The following MGAT4C variants were observed in gnomAD, a reference collection of about 807,000 sequenced individuals.
MGAT4C encodes the protein alpha-1,3-mannosyl-glycoprotein 4-beta-N-acetylglucosaminyltransferase C.
MGAT4C carries 19 observed loss-of-function variants against 40.1 expected under a neutral mutation model. The observed-to-expected ratio is 0.47, with a 90% CI of 0.33 to 0.70. MGAT4C has a LOEUF of 0.70. Ranked by LOEUF, MGAT4C falls within the 30% of genes least tolerant of loss-of-function variation. MGAT4C has a pLI of 0.02. For missense variants in MGAT4C, 491 were observed against 563.2 expected, an observed-to-expected ratio of 0.87 and a Z score of 1.30; for synonymous variants, 181 against 187.1, an observed-to-expected ratio of 0.97 and a Z score of 0.27.
chr12:86,184,636 T>TC (rs11374281), intron 1 of MGAT4C, among the ~76,000 whole-genome samples: 97,018 of 148,040 alleles, frequency 0.66, 32,334 homozygotes, highest in South Asian at 0.75. Flanking sequence ...TCTTTTTTTT[T>TC]CTCTTCCTTC....
chr12:86,529,089 A>C (rs547700898), intron 2 of MGAT4C, among the ~76,000 whole-genome samples: 28 of 152,154 alleles, frequency 1.8e-4, no homozygotes, highest in African/African-American at 6.7e-4. Flanking sequence ...CAAAAATGGG[A>C]ATGGTTTTCC....
At chr12:86,031,433 C>T (rs1890744857) in intron 2 of MGAT4C, among the ~76,000 whole-genome samples, 1 of 151,776 alleles carries the variant, frequency 6.6e-6, no homozygotes, top group Admixed American at 6.6e-5. Flanking sequence ...ATTGTTCTTA[C>T]ACTTTAATGC....
chr12:86,294,199 C>G (rs1344462006), intron 4 of MGAT4C, among the ~76,000 whole-genome samples: 1 of 151,992 alleles, frequency 6.6e-6, no homozygotes, highest in Non-Finnish European at 1.5e-5. Context: ...ACTTAGCTAA[C>G]TCGTGGCTAG....
At chr12:86,370,492 G>A (rs1830114366) in intron 3 of MGAT4C, among the ~76,000 whole-genome samples, 1 of 152,028 alleles carries the variant, frequency 6.6e-6, no homozygotes, top group Non-Finnish European at 1.5e-5. Context: ...GATATAAGAA[G>A]TTACCAGAGC....
chr12:86,328,630 C>T (rs1954581553), intron 4 of MGAT4C, among the ~76,000 whole-genome samples: 1 of 151,874 alleles, frequency 6.6e-6, no homozygotes, highest in Non-Finnish European at 1.5e-5. Context: ...ATTATGAAGA[C>T]TACAAATTGC....
At chr12:86,789,890 A>G (rs1951994755) in intron 1 of MGAT4C, among the ~76,000 whole-genome samples, 1 of 152,166 alleles carries the variant, frequency 6.6e-6, no homozygotes, top group Non-Finnish European at 1.5e-5. Context: ...ACGTACACAC[A>G]GAGAGGTTAA....
intron 2 of MGAT4C, among the ~76,000 whole-genome samples, chr12:86,451,741 T>A (rs754993744): frequency 3.3e-5 from 5 of 152,130 alleles, no homozygotes; most frequent in African/African-American, 1.2e-4. Flanking sequence ...TCTTTTAAAA[T>A]AAGATTATAC....
intron 3 of MGAT4C, among the ~76,000 whole-genome samples, chr12:86,369,202 G>T (rs957040815): frequency 2.0e-5 from 3 of 151,678 alleles, no homozygotes; most frequent in Admixed American, 2.0e-4. Context: ...TCCATTGCAT[G>T]GAATATCCTT....
chr12:86,140,731 CTG>C (rs1882717827), intron 1 of MGAT4C, among the ~76,000 whole-genome samples: 1 of 152,136 alleles, frequency 6.6e-6, no homozygotes, highest in South Asian at 2.1e-4. Context: ...GTTTCTTGTT[CTG>C]TGTTGTTCAC....
chr12:86,566,570 A>ATATATGTATATG (rs71078911), intron 2 of MGAT4C, among the ~76,000 whole-genome samples: 58 of 39,454 alleles, frequency 1.5e-3, no homozygotes, highest in African/African-American at 2.5e-3. Context: ...ATATATATAT[A>ATATATGTATATG]TATATGTATA....
intron 1 of MGAT4C, among the ~76,000 whole-genome samples, chr12:86,197,104 C>T (rs926912042): frequency 1.3e-5 from 2 of 152,134 alleles, no homozygotes; most frequent in African/African-American, 4.8e-5. Flanking sequence ...CATATTTTAC[C>T]TTCCACAAGA....
Position 86,778,635 on chromosome 12 carries a change from A to G in MGAT4C, c.-261-51394T>C, listed in dbSNP as rs1449356347. Reference sequence around the variant, plus strand: ...TGATTTGACTCATCCCTGTTTTGAAATTGCACATATACCAATATTAAGAAC... The same window carrying G: ...TGATTTGACTCATCCCTGTTTTGAAGTTGCACATATACCAATATTAAGAAC... On this transcript the variant is annotated intron_variant, in intron 1 of 7. Coordinates refer to the MGAT4C transcript ENST00000548651. Among the ~76,000 whole-genome samples the G allele has an allele frequency of 1.2e-4, 18 of 152,196 alleles. 1 individual carries two copies. Among genetic ancestry groups the G allele is most frequent in the South Asian group, 4.1e-4 (2 of 4,836 alleles).
chr12:86,486,376 GCACACACACACACACACACACA>G (rs59222713), intron 2 of MGAT4C, among the ~76,000 whole-genome samples: 1 of 139,986 alleles, frequency 7.1e-6, no homozygotes. Context: ...GATCTATCAT[GCACACACACACACACACACACA>G]CACACACACA....
chr12:86,526,325 T>A (rs149049404), intron 2 of MGAT4C, among the ~76,000 whole-genome samples: 129 of 151,900 alleles, frequency 8.5e-4, no homozygotes, highest in African/African-American at 2.9e-3. Flanking sequence ...GCACTCCTGC[T>A]GCAGCAGTGG....
intron 1 of MGAT4C, among the ~76,000 whole-genome samples, chr12:86,224,251 C>A (rs2135995527): frequency 6.6e-6 from 1 of 152,144 alleles, no homozygotes. Flanking sequence ...AGAGATCAAT[C>A]AGTCAAAGGG....
At chr12:86,671,513 C>A (rs1350058382) in intron 2 of MGAT4C, among the ~76,000 whole-genome samples, 1 of 152,022 alleles carries the variant, frequency 6.6e-6, no homozygotes, top group African/African-American at 2.4e-5. Flanking sequence ...CAAGATAACA[C>A]AGAGAAGAAA....
chr12:86,586,839 A>G (rs1961068389), intron 2 of MGAT4C, among the ~76,000 whole-genome samples: 1 of 151,790 alleles, frequency 6.6e-6, no homozygotes, highest in Non-Finnish European at 1.5e-5. Flanking sequence ...TTCATTGTAG[A>G]TTCTGGATAT....
At chr12:86,302,833 A>G (rs1953848457) in intron 4 of MGAT4C, among the ~76,000 whole-genome samples, 1 of 150,690 alleles carries the variant, frequency 6.6e-6, no homozygotes, top group Admixed American at 6.6e-5. Context: ...CAGTCGACCA[A>G]TGATTTCAAC....
At chr12:86,759,073 T>C (rs941618934) in intron 1 of MGAT4C, among the ~76,000 whole-genome samples, 1 of 152,050 alleles carries the variant, frequency 6.6e-6, no homozygotes, top group Admixed American at 6.6e-5. Flanking sequence ...TGGTAACCAC[T>C]GTTATTTTGC....
Sources: gnomAD v4.1 joint callset for allele counts (sites outside exome capture counted in the v4.1 genomes callset) on GRCh38, gnomAD v4.1.1 for gene constraint, MANE v1.5 for transcripts, NCBI Gene and HGNC (gene_info 2026-07-23, HGNC 2026-07-21) for gene names.